PCDHA6: variants seen among roughly 807,000 people sequenced by gnomAD.
The protein encoded by PCDHA6 is protocadherin alpha 6, also known as protocadherin alpha-6.
Under a neutral mutation model 60.3 loss-of-function variants are expected in PCDHA6, and 55 were observed. The ratio of observed to expected loss-of-function variants is 0.91; its 90% CI spans 0.73 to 1.14. The LOEUF is 1.14. PCDHA6 is among the 50% of genes most tolerant of loss of function. The pLI, the probability that PCDHA6 is intolerant of heterozygous loss-of-function variation, is 0.00. For synonymous variants in PCDHA6, 652 were observed against 557.9 expected (o/e 1.17, Z -2.38); for missense variants, 1,327 against 1,256.5 (o/e 1.06, Z -0.85).
At position 140,980,991 on chromosome 5, in the gene PCDHA6, C is replaced by G. The variant is rs888673669; in HGVS notation, c.2454-1484C>G. Among the ~76,000 whole-genome samples the G allele has an allele frequency of 1.2e-4, 18 of 151,972 alleles. 1 individual carries two copies. Among genetic ancestry groups the G allele is most frequent in the Non-Finnish European group, 8.8e-5 (6 of 68,014 alleles). ...AATCTGACTGAGCCCACACAATTTG[C>G]TAGTAGGATCCAGGAACACTTGAAG... On this transcript the variant is annotated intron_variant, in intron 2 of 3. Transcript: ENST00000529310.
Position 141,009,850 on chromosome 5 carries a change from C to CAAGAAAAAG in PCDHA6, c.2781_2789dup (p.Lys928_Lys930dup). ...TAACCTTCGGCAAAAAGGAGGAGAC[C>CAAGAAAAAG]AAGAAAAAGAAGAAAAAGAAGAAGG... On this transcript the variant is annotated inframe_insertion, in exon 4 of 4. Coordinates refer to ENST00000529310, the MANE Select transcript of PCDHA6 (RefSeq NM_018909.4). The CAAGAAAAAG allele has an allele frequency of 1.2e-6, 2 of 1,613,572 alleles. No individual in the cohort carries two copies. Among genetic ancestry groups the CAAGAAAAAG allele is most frequent in the Non-Finnish European group, 1.7e-6 (2 of 1,179,906 alleles).
At chr5:140,837,131 A>G (rs1181780684) in intron 1 of PCDHA6, 1 of 155,420 alleles carries the variant, frequency 6.4e-6, no homozygotes, top group African/African-American at 2.4e-5. Flanking sequence ...ATTTTATTCT[A>G]TGTATTGTCC....
intron 1 of PCDHA6, among the ~76,000 whole-genome samples, chr5:140,960,361 T>C (rs1262686301): frequency 2.6e-5 from 4 of 152,194 alleles, no homozygotes; most frequent in Non-Finnish European, 4.4e-5. Context: ...TGAAATAATA[T>C]GCCAACTCTT....
chr5:140,958,053 G>A (rs2095406506), intron 1 of PCDHA6, among the ~76,000 whole-genome samples: 1 of 152,030 alleles, frequency 6.6e-6, no homozygotes. Context: ...ATAGAAAAAA[G>A]AGAGAAAAAA....
At chr5:140,893,137 C>T (rs2153441262) in intron 1 of PCDHA6, among the ~76,000 whole-genome samples, 1 of 152,298 alleles carries the variant, frequency 6.6e-6, no homozygotes, top group South Asian at 2.1e-4. Context: ...TTTCTTTATC[C>T]ACTCATCTGT....
At chr5:140,844,146 A>G (rs1056681888) in intron 1 of PCDHA6, among the ~76,000 whole-genome samples, 1 of 149,130 alleles carries the variant, frequency 6.7e-6, no homozygotes, top group Non-Finnish European at 1.5e-5. Flanking sequence ...TTGTCTTTAT[A>G]TTTACTTTTA....
intron 1 of PCDHA6, chr5:140,967,282 G>A (rs1463734502): frequency 1.1e-5 from 17 of 1,612,960 alleles, no homozygotes; most frequent in Non-Finnish European, 1.4e-5. Context: ...TAGAGAGTGC[G>A]CAGGACCCCG....
chr5:140,886,455 A>G (rs1554182545), intron 1 of PCDHA6, among the ~76,000 whole-genome samples: 1 of 152,186 alleles, frequency 6.6e-6, no homozygotes, highest in African/African-American at 2.4e-5. Flanking sequence ...ATTTTGTCAT[A>G]TATAAATGTT....
chr5:140,841,971 G>T (rs2150326595), intron 1 of PCDHA6: 3 of 1,613,910 alleles, frequency 1.9e-6, no homozygotes, highest in East Asian at 2.2e-5. Flanking sequence ...GCCACAGATG[G>T]GGGCAAACCT....
intron 1 of PCDHA6, among the ~76,000 whole-genome samples, chr5:140,831,997 T>C (rs1771794062): frequency 6.6e-6 from 1 of 152,244 alleles, no homozygotes; most frequent in African/African-American, 2.4e-5. Flanking sequence ...GGATTCCATA[T>C]TGTTTTCATT....
chr5:140,838,287 T>TTTTC (rs200382821), intron 1 of PCDHA6, among the ~76,000 whole-genome samples: 30 of 150,176 alleles, frequency 2.0e-4, no homozygotes, highest in African/African-American at 7.4e-4. Context: ...CTAATTTTTT[T>TTTTC]TTTTTTTTGT....
At chr5:140,836,222 G>A (rs1366875668) in intron 1 of PCDHA6, 2 of 1,613,676 alleles carry the variant, frequency 1.2e-6, no homozygotes, top group Non-Finnish European at 8.5e-7. Flanking sequence ...AGTTGCAACC[G>A]GTGGCGGCCG....
intron 3 of PCDHA6, 48 bp from the exon 4 acceptor site, chr5:141,009,579 A>T: frequency 6.3e-7 from 1 of 1,586,202 alleles, no homozygotes; most frequent in Non-Finnish European, 8.6e-7. Context: ...TGTGGCATCA[A>T]GAGCATGTGT....
chr5:140,870,080 C>T (rs2051640102), intron 1 of PCDHA6: 1 of 1,613,722 alleles, frequency 6.2e-7, no homozygotes, highest in Non-Finnish European at 8.5e-7. Flanking sequence ...GATAAGGGGA[C>T]TCCCCCAATG....
chr5:140,945,387 T>C (rs1249675973), intron 1 of PCDHA6, among the ~76,000 whole-genome samples: 1 of 152,102 alleles, frequency 6.6e-6, no homozygotes, highest in Non-Finnish European at 1.5e-5. Flanking sequence ...CAAAGCAATA[T>C]ACAAATTCAA....
At chr5:140,849,684 C>T (rs2150445118) in intron 1 of PCDHA6, 9 of 1,598,608 alleles carry the variant, frequency 5.6e-6, no homozygotes, top group African/African-American at 2.7e-5. Context: ...CCCCTTCAAG[C>T]TGGTGTCCAC....
intron 1 of PCDHA6, chr5:140,850,154 G>C (rs2150469964): frequency 6.3e-7 from 1 of 1,595,410 alleles, no homozygotes; most frequent in Non-Finnish European, 8.6e-7. Flanking sequence ...CGCTGCAGGT[G>C]TTCGTGCTGG....
chr5:140,884,271 C>T, intron 1 of PCDHA6: 1 of 1,613,540 alleles, frequency 6.2e-7, no homozygotes, highest in Non-Finnish European at 8.5e-7. Flanking sequence ...GTGCTGTTGT[C>T]GCTGGTGGAG....
chr5:140,958,637 A>G (rs2095435071), intron 1 of PCDHA6, among the ~76,000 whole-genome samples: 1 of 152,192 alleles, frequency 6.6e-6, no homozygotes. Flanking sequence ...TACTGCAGAA[A>G]ACCAATCACA....
Sources: allele counts gnomAD v4.1 joint callset (sites outside exome capture counted in the v4.1 genomes callset), GRCh38; gene constraint gnomAD v4.1.1; transcripts MANE v1.5; gene names NCBI Gene and HGNC (gene_info 2026-07-23, HGNC 2026-07-21).